The following TMT1A variants were observed in gnomAD, a reference collection of about 807,000 sequenced individuals.
The protein encoded by TMT1A is thiol S-methyltransferase TMT1A.
At chr12:50,928,455 G>T in the TMT1A span, among the ~76,000 whole-genome samples, 2 of 152,196 alleles carry the variant, frequency 1.3e-5, no homozygotes, top group Non-Finnish European at 2.9e-5. Context: ...AAAGCTGATG[G>T]AGCTGGATTC....
At chr12:50,925,510 C>T in the TMT1A span, 9 of 1,613,668 alleles carry the variant, frequency 5.6e-6, no homozygotes, top group Non-Finnish European at 7.6e-6. Context: ...GCGGATTCTC[C>T]GCGAGGTGTG....
the TMT1A span, among the ~76,000 whole-genome samples, chr12:50,929,055 C>T: frequency 1.3e-5 from 2 of 151,500 alleles, no homozygotes; most frequent in African/African-American, 2.4e-5. Flanking sequence ...CTGGGCAATG[C>T]GGCGAAACTC....
chr12:50,926,605 C>T, the TMT1A span, among the ~76,000 whole-genome samples: 1 of 152,246 alleles, frequency 6.6e-6, no homozygotes, highest in East Asian at 1.9e-4. Context: ...TCAGAAAGAA[C>T]AAGAAGAGTT....
chr12:50,927,641 T>C, the TMT1A span, among the ~76,000 whole-genome samples: 4 of 152,194 alleles, frequency 2.6e-5, no homozygotes, highest in African/African-American at 9.7e-5. Flanking sequence ...CTTCCTTAGC[T>C]CCTGCCAAGC....
At chr12:50,925,080 C>T in the TMT1A span, 1 of 1,614,174 alleles carries the variant, frequency 6.2e-7, no homozygotes, top group South Asian at 1.1e-5. Flanking sequence ...CCATTTACAT[C>T]CTGACATTTC....
chr12:50,927,900 C>T, the TMT1A span, among the ~76,000 whole-genome samples: 1 of 128,504 alleles, frequency 7.8e-6, no homozygotes. Flanking sequence ...TCTTGGCTAA[C>T]TGCAGCCTCC....
At chr12:50,930,160 G>C in the TMT1A span, 2 of 1,572,438 alleles carry the variant, frequency 1.3e-6, no homozygotes, top group Non-Finnish European at 1.7e-6. Flanking sequence ...GTGTGAGCTG[G>C]CAGTTAAGAG....
At chr12:50,929,310 T>C in the TMT1A span, among the ~76,000 whole-genome samples, 3 of 152,324 alleles carry the variant, frequency 2.0e-5, no homozygotes, top group South Asian at 6.2e-4. Flanking sequence ...CACTGACCCA[T>C]ATAATTTGGG....
chr12:50,929,335 A>G, the TMT1A span, among the ~76,000 whole-genome samples: 2 of 152,212 alleles, frequency 1.3e-5, no homozygotes, highest in African/African-American at 2.4e-5. Context: ...CTCCATCACT[A>G]AACTGAATTC....
the TMT1A span, among the ~76,000 whole-genome samples, chr12:50,928,459 T>C: frequency 2.1e-3 from 323 of 152,354 alleles, 1 homozygote; most frequent in African/African-American, 7.3e-3. Flanking sequence ...CTGATGGAGC[T>C]GGATTCCCTG....
chr12:50,930,875 C>G, the TMT1A span: 5 of 152,226 alleles, frequency 3.3e-5, no homozygotes, highest in Admixed American at 6.5e-5. Context: ...AGCCACCATG[C>G]CTGGCCTGAA....
the TMT1A span, among the ~76,000 whole-genome samples, chr12:50,928,273 G>T: frequency 6.6e-6 from 1 of 152,124 alleles, no homozygotes; most frequent in Non-Finnish European, 1.5e-5. Context: ...GGTGACACAG[G>T]ATTTTTGCTC....
chr12:50,929,480 G>A, the TMT1A span, among the ~76,000 whole-genome samples: 8 of 152,176 alleles, frequency 5.3e-5, no homozygotes, highest in Non-Finnish European at 7.4e-5. Flanking sequence ...TAGATATGTA[G>A]AAAACTTCTG....
chr12:50,931,421 G>A, the TMT1A span: 2 of 151,772 alleles, frequency 1.3e-5, no homozygotes. Flanking sequence ...TAAAAAAAGA[G>A]ACAGGGGGCT....
the TMT1A span, among the ~76,000 whole-genome samples, chr12:50,929,034 T>C: frequency 6.6e-6 from 1 of 151,946 alleles, no homozygotes; most frequent in African/African-American, 2.4e-5. Flanking sequence ...GCTCAGGAGT[T>C]CGAGACCAGC....
the TMT1A span, chr12:50,925,563 A>G: frequency 0.66 from 1,057,079 of 1,599,564 alleles, 350,659 homozygotes; most frequent in African/African-American, 0.74. Context: ...GAGGAGGACT[A>G]GTTAGTAGCA....
At chr12:50,928,785 G>A in the TMT1A span, among the ~76,000 whole-genome samples, 241 of 152,048 alleles carry the variant, frequency 1.6e-3, 1 homozygote, top group Admixed American at 1.2e-3. Flanking sequence ...ATCTATCCCA[G>A]GTCTCTCTTC....
chr12:50,932,357 C>T, the TMT1A span: 13 of 152,164 alleles, frequency 8.5e-5, no homozygotes, highest in African/African-American at 2.4e-4. Flanking sequence ...CCTCTGAAAG[C>T]GAGTGTTAGG....
chr12:50,931,105 TTTTAAGGTTAAGAGCAGAGGTTTAC>T, the TMT1A span: 1 of 151,746 alleles, frequency 6.6e-6, no homozygotes, highest in South Asian at 2.1e-4. Context: ...TTTTTTTTTT[TTTTAAGGTTAAGAGCAGAGGTTTAC>T]TAGGCCAAAG....
Sources: allele counts gnomAD v4.1 joint callset (sites outside exome capture counted in the v4.1 genomes callset), GRCh38; gene constraint gnomAD v4.1.1; transcripts MANE v1.5; gene names NCBI Gene and HGNC (gene_info 2026-07-23, HGNC 2026-07-21).